Variants in L2HGDH observed in about 807,000 individuals in gnomAD.
The protein encoded by L2HGDH is L-2-hydroxyglutarate dehydrogenase.
In L2HGDH, 34 loss-of-function variants were observed where a neutral mutation model predicts 51.5. That is an observed-to-expected ratio of 0.66 (90% CI 0.50 to 0.88). L2HGDH has a LOEUF of 0.88. L2HGDH is among the 40% of genes least tolerant of loss of function. L2HGDH has a pLI of 0.00. For synonymous variants in L2HGDH, 198 were observed against 197.9 expected, an observed-to-expected ratio of 1.00 and a Z score of -0.01; for missense variants, 558 against 571.9, an observed-to-expected ratio of 0.98 and a Z score of 0.25.
intron 9 of L2HGDH, among the ~76,000 whole-genome samples, chr14:50,254,062 G>C (rs1024320127): frequency 6.6e-6 from 1 of 151,870 alleles, no homozygotes; most frequent in Non-Finnish European, 1.5e-5. Context: ...GGGGAGGTGG[G>C]GATGGTTAAT....
chr14:50,277,352 G>A (rs892310250), intron 6 of L2HGDH, among the ~76,000 whole-genome samples: 1 of 152,082 alleles, frequency 6.6e-6, no homozygotes, highest in Non-Finnish European at 1.5e-5. Flanking sequence ...ACAGATGTCA[G>A]GTTGACAAAG....
intron 9 of L2HGDH, among the ~76,000 whole-genome samples, chr14:50,247,994 T>G (rs761817): frequency 6.6e-6 from 1 of 151,976 alleles, no homozygotes; most frequent in African/African-American, 2.4e-5. Flanking sequence ...GAGACAAGGT[T>G]TCCCTACGTT....
intron 6 of L2HGDH, among the ~76,000 whole-genome samples, chr14:50,275,596 G>A (rs939283700): frequency 6.6e-6 from 1 of 152,146 alleles, no homozygotes; most frequent in Non-Finnish European, 1.5e-5. Context: ...GGAATTCACT[G>A]ATTTTACCAT....
At chr14:50,304,059 A>C (rs1280828617) in intron 1 of L2HGDH, among the ~76,000 whole-genome samples, 1 of 152,210 alleles carries the variant, frequency 6.6e-6, no homozygotes, top group Non-Finnish European at 1.5e-5. Flanking sequence ...ACAAACCTAG[A>C]TGATATAGCT....
chr14:50,256,043 G>A (rs1281503660), intron 9 of L2HGDH, among the ~76,000 whole-genome samples: 2 of 152,044 alleles, frequency 1.3e-5, no homozygotes, highest in East Asian at 3.8e-4. Flanking sequence ...AAGAACAGCT[G>A]AATGTGTAAC....
At position 50,243,249 on chromosome 14, in the gene L2HGDH, A is replaced by G. The variant is rs192690270; in HGVS notation, c.*3809T>C. On this transcript the variant is annotated 3_prime_UTR_variant, in exon 10 of 10. Transcript: ENST00000267436. ...ACACCAAAAATATACTTGCTGGTAC[A>G]TCAAGAGTTCCTCACAAACACTCTG... The G allele has an allele frequency of 7.4e-5, 73 of 985,438 alleles. No individual in the cohort carries two copies. The highest frequency in any genetic ancestry group is 6.1e-5 in the Admixed American group (1 of 16,280). 61.0% of individuals were successfully genotyped at this position (985,438 alleles called of 1,614,324 possible). A position where few individuals can be genotyped will look rare whatever the true frequency, so the allele number is the denominator to read the frequency against.
At chr14:50,276,365 G>A (rs1889980199) in intron 6 of L2HGDH, among the ~76,000 whole-genome samples, 1 of 151,622 alleles carries the variant, frequency 6.6e-6, no homozygotes, top group Admixed American at 6.6e-5. Context: ...AATGAGGGAT[G>A]TTATCATCTG....
At chr14:50,283,285 A>C (rs1424657588) in intron 5 of L2HGDH, among the ~76,000 whole-genome samples, 1 of 152,142 alleles carries the variant, frequency 6.6e-6, no homozygotes, top group Non-Finnish European at 1.5e-5. Flanking sequence ...GTTTGGAGAC[A>C]AATTTTCCAT....
rs1251634391 is a variant in L2HGDH at position 50,243,388 on chromosome 14, T to C, written c.*3670A>G. ...TTTTAAAAAGGTTGGCTGCTATCTATCTAAAGCAAACAGTTTATGTTTTAC... is the reference window on the plus strand; with the variant it reads ...TTTTAAAAAGGTTGGCTGCTATCTACCTAAAGCAAACAGTTTATGTTTTAC... On this transcript the variant is annotated 3_prime_UTR_variant, in exon 10 of 10. Coordinates refer to ENST00000267436, the MANE Select transcript of L2HGDH (RefSeq NM_024884.3). 2 of 982,610 alleles carry C rather than the reference T, an allele frequency of 2.0e-6. No homozygotes were observed. Among genetic ancestry groups the C allele is most frequent in the Non-Finnish European group, 2.4e-6 (2 of 827,588 alleles). 60.9% of individuals were successfully genotyped at this position (982,610 alleles called of 1,614,324 possible).
rs1456577507 is a variant in L2HGDH, at chr14:50,294,201, G to A, written c.454C>T (p.Leu152=). The stretch of plus-strand genomic sequence containing the variant: ...CCATTCTGGAGGCCTTTCTCATATA[G>A]GGCCTGAAGTCTGGGAATTTCTTCT... ...EQEEIPRLQA[L]YEKGLQNGVP... is the part of the protein sequence containing the mutation. The change falls in exon 4 of 10, where the codon CTA becomes TTA. Residue 152 remains leucine, a synonymous_variant. Transcript: ENST00000267436. The A allele has an allele frequency of 1.2e-6, 2 of 1,613,268 alleles. No homozygotes were observed. Among genetic ancestry groups the A allele is most frequent in the South Asian group, 2.2e-5 (2 of 91,042 alleles).
intron 6 of L2HGDH, among the ~76,000 whole-genome samples, chr14:50,272,929 A>G (rs1595096091): frequency 6.6e-6 from 1 of 152,120 alleles, no homozygotes; most frequent in Non-Finnish European, 1.5e-5. Flanking sequence ...ATATTCTGGT[A>G]CCACACACAA....
At chr14:50,305,883 G>C (rs1374551938) in intron 1 of L2HGDH, among the ~76,000 whole-genome samples, 2 of 152,162 alleles carry the variant, frequency 1.3e-5, no homozygotes, top group East Asian at 3.9e-4. Flanking sequence ...AGTCATCTCT[G>C]GATCACTTAT....
Position 50,246,293 on chromosome 14 carries a change from A to T in L2HGDH, c.*765T>A, listed in dbSNP as rs930896350. ...GGGTATAGTGGCATGAACACAGCTC[A>T]CTGTAGCCTTGATCTCCCGGGCTCA... On this transcript the variant is annotated 3_prime_UTR_variant, in exon 10 of 10. Coordinates refer to ENST00000267436, the MANE Select transcript of L2HGDH (RefSeq NM_024884.3). The T allele has an allele frequency of 6.6e-6, 1 of 151,716 alleles. No homozygotes were observed. The highest frequency in any genetic ancestry group is 1.9e-4 in the East Asian group (1 of 5,180). The allele number at this position is 151,716 out of a possible 1,614,324, so 9.4% of individuals were successfully genotyped here. A position where few individuals can be genotyped will look rare whatever the true frequency, so the allele number is the denominator to read the frequency against.
intron 1 of L2HGDH, among the ~76,000 whole-genome samples, chr14:50,305,934 T>C (rs958014194): frequency 1.1e-4 from 17 of 152,256 alleles, no homozygotes; most frequent in Non-Finnish European, 2.4e-4. Flanking sequence ...ATAGTTGTTA[T>C]ACTGTATTTT....
chr14:50,262,387 A>C (rs1889080779), intron 9 of L2HGDH, among the ~76,000 whole-genome samples: 1 of 150,286 alleles, frequency 6.7e-6, no homozygotes, highest in African/African-American at 2.5e-5. Context: ...CCGACATTGT[A>C]CCACTGCACT....
chr14:50,301,386 G>A lies in L2HGDH; in HGVS notation c.408+631C>T, dbSNP rs74387776. On this transcript the variant is annotated intron_variant, in intron 3 of 9. Coordinates refer to ENST00000267436, the MANE Select transcript of L2HGDH (RefSeq NM_024884.3). ...AACTTATACATGAATGTTCATAGCA[G>A]CATTATCCATAATAGCCAAAAGGTG... Among the ~76,000 whole-genome samples, 13 of 152,174 alleles carry A rather than the reference G, an allele frequency of 8.5e-5. No homozygotes were observed. The East Asian group carries it at 1.9e-3, about 23-fold the overall frequency.
chr14:50,259,135 A>C (rs1411657509), intron 9 of L2HGDH, among the ~76,000 whole-genome samples: 1 of 151,244 alleles, frequency 6.6e-6, no homozygotes, highest in Non-Finnish European at 1.5e-5. Context: ...TAAAGGCAGG[A>C]GCCACTGAGC....
At chr14:50,264,082 T>C (rs994371706) in intron 9 of L2HGDH, among the ~76,000 whole-genome samples, 1 of 150,900 alleles carries the variant, frequency 6.6e-6, no homozygotes, top group Non-Finnish European at 1.5e-5. Flanking sequence ...CTTTTATCTT[T>C]AAGAATAAAA....
chr14:50,280,411 C>G (rs1431701484), intron 5 of L2HGDH, among the ~76,000 whole-genome samples: 1 of 152,184 alleles, frequency 6.6e-6, no homozygotes, highest in African/African-American at 2.4e-5. Flanking sequence ...GGTGATCCGC[C>G]TGCCTTGGCT....
Sources: allele counts gnomAD v4.1 joint callset (sites outside exome capture counted in the v4.1 genomes callset), GRCh38; gene constraint gnomAD v4.1.1; transcripts MANE v1.5; gene names NCBI Gene and HGNC (gene_info 2026-07-23, HGNC 2026-07-21).